Variants in FAT2 observed in about 807,000 individuals in gnomAD.
FAT2 encodes the protein protocadherin Fat 2.
Under a neutral mutation model 295.3 loss-of-function variants are expected in FAT2, and 150 were observed. The observed-to-expected ratio is 0.51, with a 90% CI of 0.44 to 0.58. The LOEUF (loss-of-function observed/expected upper bound fraction) is 0.58, where lower values mean the gene tolerates loss of function less well. Among genes scored for constraint, FAT2 ranks in the 20% least tolerant of loss-of-function variants. FAT2 has a pLI of 0.00. For missense variants in FAT2, 4,868 were observed against 5,442.7 expected, an observed-to-expected ratio of 0.89 and a Z score of 3.32; for synonymous variants, 2,026 against 2,150.3, an observed-to-expected ratio of 0.94 and a Z score of 1.60.
chr5:151,507,981 C>G (rs760630456), intron 22 of FAT2, among the ~76,000 whole-genome samples: 5 of 152,174 alleles, frequency 3.3e-5, no homozygotes, highest in Non-Finnish European at 4.4e-5. Flanking sequence ...GTCAGCATTG[C>G]CCAGTTATAG....
At chr5:151,553,748 C>A (rs566945546) in intron 5 of FAT2, among the ~76,000 whole-genome samples, 58 of 152,344 alleles carry the variant, frequency 3.8e-4, no homozygotes, top group Admixed American at 1.7e-3. Flanking sequence ...ATTTATTGAG[C>A]ACTCACTATT....
At chr5:151,583,425 G>C (rs1759042469) in intron 1 of FAT2, among the ~76,000 whole-genome samples, 1 of 152,078 alleles carries the variant, frequency 6.6e-6, no homozygotes, top group South Asian at 2.1e-4. Flanking sequence ...ATAATACGGG[G>C]CAAAAGAAGT....
intron 3 of FAT2, among the ~76,000 whole-genome samples, chr5:151,557,878 C>G (rs1286167001): frequency 6.6e-6 from 1 of 152,170 alleles, no homozygotes; most frequent in Non-Finnish European, 1.5e-5. Flanking sequence ...GACGCTACCT[C>G]CTGCCTCAGC....
At position 151,561,390 on chromosome 5, in the gene FAT2, C is replaced by G. The variant is rs187342776; in HGVS notation, c.3574+1935G>C. Among the ~76,000 whole-genome samples the G allele has an allele frequency of 3.0e-4, 46 of 151,932 alleles. No homozygotes were observed. In the East Asian group the frequency reaches 8.3e-3, roughly 27 times the overall value. The stretch of plus-strand genomic sequence containing the variant: ...GACACAGCAGAATCTGACTTTCTCT[C>G]TCTTTTTTTTTTCTTTCTGAGACAG... On this transcript the variant is annotated intron_variant, in intron 3 of 23. Coordinates refer to ENST00000261800, the MANE Select transcript of FAT2 (RefSeq NM_001447.3).
At position 151,531,637 on chromosome 5, in the gene FAT2, C is replaced by T. The variant is rs1460826520; in HGVS notation, c.9761G>A (p.Arg3254His). 4.3e-6 allele frequency: 7 copies of T among 1,613,462 alleles called. No individual in the cohort carries two copies. The highest frequency in any genetic ancestry group is 5.1e-6 in the Non-Finnish European group (6 of 1,179,964). ...TRPGAEKTGY[R>H]VVSGNEQGRF... ...GCCTTGCTCGTTCCCGCTGACCACG[C>T]GGTAGCCGGTCTTCTCTGCGCCCGG... The change falls in exon 14 of 24, where the codon CGC (arginine) becomes CAC (histidine). Residue 3254 changes from arginine to histidine, a missense_variant. Coordinates refer to ENST00000261800, the MANE Select transcript of FAT2 (RefSeq NM_001447.3). This position sits in a 1 kb window ranked among gnomAD's most constrained non-coding sequence, Gnocchi z 5.7.
chr5:151,562,249 G>A (rs532415639), intron 3 of FAT2, among the ~76,000 whole-genome samples: 11 of 152,258 alleles, frequency 7.2e-5, no homozygotes, highest in Admixed American at 2.6e-4. Context: ...CTGCCCGCTC[G>A]CATTCTTCCT....
At position 151,545,157 on chromosome 5, in the gene FAT2, A is replaced by G. The variant is rs1200324537; in HGVS notation, c.5970T>C (p.Leu1990=). Reference sequence around the variant, plus strand: ...CATTCAAATGATTGCCCTGGGCACCAAGAATCACCAGTGCCTTTCTGTCCT... The same window carrying G: ...CATTCAAATGATTGCCCTGGGCACCGAGAATCACCAGTGCCTTTCTGTCCT... ...NLQDRKALVI[L]GAQGNHLNDT... Residue 1990 remains leucine, a synonymous_variant, in exon 10 of 24, where the codon CTT becomes CTC. Coordinates refer to ENST00000261800, the MANE Select transcript of FAT2 (RefSeq NM_001447.3). 5 of 1,614,184 alleles carry G rather than the reference A, an allele frequency of 3.1e-6. No homozygotes were observed. The highest frequency in any genetic ancestry group is 3.4e-6 in the Non-Finnish European group (4 of 1,180,026).
chr5:151,582,012 C>CCAGG (rs1360314848), intron 1 of FAT2, among the ~76,000 whole-genome samples: 1 of 152,230 alleles, frequency 6.6e-6, no homozygotes, highest in African/African-American at 2.4e-5. Flanking sequence ...TAGGACAAAG[C>CCAGG]CAGGCAGGCA....
At position 151,567,924 on chromosome 5, in the gene FAT2, C is replaced by G. The variant is rs889881821; in HGVS notation, c.1008G>C (p.Arg336Ser). ...AATAAAAATAAGGGCCGCTCCCACT[C>G]CTGGCCTGGAGGCTGAGGTTGAACC... ...LHGFNLSLQA[R>S]SGSGPYFYSQ... The change falls in exon 2 of 24, where the codon AGG (arginine) becomes AGC (serine). Residue 336 changes from arginine (R) to serine (S), a missense_variant. This residue lies in a region of FAT2 where 3,297 missense variants were observed against 3,669.4 expected (regional missense o/e 0.90). Transcript: ENST00000261800. The G allele has an allele frequency of 8.1e-6, 13 of 1,614,040 alleles. No individual in the cohort carries two copies. The Admixed American group carries it at 1.8e-4, about 23-fold the overall frequency.
At chr5:151,574,810 A>ACTGTCAGAT (rs1758681442) in intron 1 of FAT2, among the ~76,000 whole-genome samples, 1 of 145,986 alleles carries the variant, frequency 6.8e-6, no homozygotes, top group Non-Finnish European at 1.5e-5. Context: ...GTAGGCAGCC[A>ACTGTCAGAT]CTGTCAGATT....
chr5:151,530,049 A>G (rs551194479), intron 14 of FAT2, among the ~76,000 whole-genome samples: 1 of 152,334 alleles, frequency 6.6e-6, no homozygotes, highest in African/African-American at 2.4e-5. Flanking sequence ...GAGGAGTAAT[A>G]GGATTAGAAA....
intron 3 of FAT2, among the ~76,000 whole-genome samples, chr5:151,556,771 T>C (rs952822101): frequency 2.6e-5 from 4 of 152,238 alleles, no homozygotes; most frequent in African/African-American, 9.6e-5. Context: ...GCAAGTGTTC[T>C]GAGCGCATAC....
At chr5:151,514,891 C>T (rs1385477042) in intron 20 of FAT2, among the ~76,000 whole-genome samples, 1 of 152,218 alleles carries the variant, frequency 6.6e-6, no homozygotes, top group Non-Finnish European at 1.5e-5. Context: ...TGTTCGTTCA[C>T]CACTATATCA....
Position 151,549,457 on chromosome 5 carries a change from T to A in FAT2, c.4627A>T (p.Ile1543Phe), listed in dbSNP as rs765918108. 1.4e-5 allele frequency: 23 copies of A among 1,614,052 alleles called. No homozygotes were observed. The highest frequency in any genetic ancestry group is 1.9e-5 in the Non-Finnish European group (23 of 1,180,034). Residue 1543 changes from isoleucine (I) to phenylalanine (F), a missense_variant, in exon 9 of 24, where the codon ATT (isoleucine) becomes TTT (phenylalanine). Ile to Phe is a conservative substitution (Grantham distance 21). Around this residue, in one of 5 missense-constraint regions of FAT2, gnomAD observed 3,297 missense variants for 3,669.4 expected, o/e 0.90. Coordinates refer to ENST00000261800, the MANE Select transcript of FAT2 (RefSeq NM_001447.3). ...PIKRNFVWVT[I>F]HVEDGNLHPP... ...TGGAGGTTTCCATCCTCCACATGAA[T>A]GGTCACCCACACGAAGTTCCTCTTG...
intron 19 of FAT2, among the ~76,000 whole-genome samples, chr5:151,518,314 A>T (rs1753076475): frequency 6.6e-6 from 1 of 151,164 alleles, no homozygotes; most frequent in African/African-American, 2.4e-5. Flanking sequence ...TTGCCACTCT[A>T]TTCCAGCCTG....
upstream of FAT2, among the ~76,000 whole-genome samples, chr5:151,593,083 C>T (rs1310534522): frequency 2.6e-5 from 4 of 152,200 alleles, no homozygotes; most frequent in African/African-American, 4.8e-5. Flanking sequence ...GCTGCCTCCG[C>T]CCCGGATGAG....
At chr5:151,594,154 A>G (rs1019834064), upstream of FAT2, among the ~76,000 whole-genome samples, 1 of 152,224 alleles carries the variant, frequency 6.6e-6, no homozygotes, top group Non-Finnish European at 1.5e-5. Context: ...AGCTTTAATT[A>G]CTTGGCCAAG....
At chr5:151,517,873 A>G in intron 19 of FAT2, 108 bp from the exon 20 acceptor site, 2 of 1,357,346 alleles carry the variant, frequency 1.5e-6, no homozygotes, top group Non-Finnish European at 2.0e-6. Context: ...ATCATTGCTC[A>G]TATTTTATAC....
rs1758257776 is a variant in FAT2, at chr5:151,566,265, G to A, written c.2667C>T (p.Tyr889=). Residue 889 remains tyrosine (Y), a synonymous_variant, in exon 2 of 24, where the codon TAC becomes TAT. Coordinates refer to ENST00000261800, the MANE Select transcript of FAT2 (RefSeq NM_001447.3). ...GHLDRESEPR[Y]ILKVEARDQP... ...GATCCCTGGCCTCCACCTTGAGTAT[G>A]TACCGAGGCTCTGATTCGCGGTCCA... 1 of 1,614,042 alleles carries A rather than the reference G, an allele frequency of 6.2e-7. No homozygotes were observed.
Sources: allele counts gnomAD v4.1 joint callset (sites outside exome capture counted in the v4.1 genomes callset), GRCh38; gene constraint gnomAD v4.1.1; regional missense constraint gnomAD v4.1.1; non-coding constraint Gnocchi (gnomAD v3.1); transcripts MANE v1.5; gene names NCBI Gene and HGNC (gene_info 2026-07-23, HGNC 2026-07-21).